R3HDM1: variants seen among roughly 807,000 people sequenced by gnomAD.
R3HDM1 encodes R3H domain containing 1, also known as R3H domain-containing protein 1.
A neutral mutation model predicts 141.1 loss-of-function variants in R3HDM1; 46 were observed. That is an observed-to-expected ratio of 0.33 (90% confidence interval 0.26 to 0.42). The LOEUF is 0.42. R3HDM1 is among the 10% of genes least tolerant of loss of function. R3HDM1 has a pLI of 1.00. For missense variants in R3HDM1, 1,184 were observed against 1,368.3 expected, an observed-to-expected ratio of 0.87 and a Z score of 2.12; for synonymous variants, 435 against 472.9, an observed-to-expected ratio of 0.92 and a Z score of 1.04.
intron 21 of R3HDM1, 149 bp from the exon 22 acceptor site, chr2:135,709,284 A>G: frequency 9.8e-7 from 1 of 1,023,030 alleles, no homozygotes; most frequent in South Asian, 1.6e-5. Flanking sequence ...CGTATTAGCC[A>G]GGATGTTCTC....
At chr2:135,714,825 G>T (rs1402639453) in intron 23 of R3HDM1, among the ~76,000 whole-genome samples, 1 of 151,812 alleles carries the variant, frequency 6.6e-6, no homozygotes, top group Non-Finnish European at 1.5e-5. Flanking sequence ...AAGATCATTT[G>T]GGAAATCTGG....
At chr2:135,550,273 A>C in intron 1 of R3HDM1, 3 of 956,696 alleles carry the variant, frequency 3.1e-6, no homozygotes, top group Non-Finnish European at 3.7e-6. Context: ...TCTAGCATTT[A>C]AGTTTTATTT....
At chr2:135,603,917 G>A (rs1444090424) in intron 2 of R3HDM1, among the ~76,000 whole-genome samples, 1 of 152,134 alleles carries the variant, frequency 6.6e-6, no homozygotes, top group Non-Finnish European at 1.5e-5. Flanking sequence ...AAGTTCTGCT[G>A]TTTTTATTAC....
At chr2:135,541,353 G>A (rs1697450935) in intron 1 of R3HDM1, among the ~76,000 whole-genome samples, 2 of 151,940 alleles carry the variant, frequency 1.3e-5, no homozygotes, top group African/African-American at 4.8e-5. Flanking sequence ...GACTACAGGC[G>A]CCCGCCACCA....
intron 18 of R3HDM1, among the ~76,000 whole-genome samples, chr2:135,659,089 T>TGTG (rs2066322520): frequency 1.3e-5 from 1 of 76,192 alleles, no homozygotes; most frequent in African/African-American, 9.5e-5. Flanking sequence ...GTGTGTGTGT[T>TGTG]TGGTTTGGAG....
At chr2:135,611,922 C>T (rs2060587147) in intron 3 of R3HDM1, among the ~76,000 whole-genome samples, 1 of 152,096 alleles carries the variant, frequency 6.6e-6, no homozygotes, top group African/African-American at 2.4e-5. Context: ...ATGTACATCA[C>T]CAGTGGGATG....
chr2:135,538,317 A>G (rs1346199741), intron 1 of R3HDM1, among the ~76,000 whole-genome samples: 1 of 152,208 alleles, frequency 6.6e-6, no homozygotes, highest in Non-Finnish European at 1.5e-5. Flanking sequence ...GGCTTGCAGC[A>G]CTGGAAATTA....
intron 21 of R3HDM1, among the ~76,000 whole-genome samples, chr2:135,687,068 G>A (rs2071473296): frequency 6.6e-6 from 1 of 152,114 alleles, no homozygotes; most frequent in Non-Finnish European, 1.5e-5. Context: ...GCATGGTGGT[G>A]CCGGTAGTCT....
intron 1 of R3HDM1, chr2:135,581,277 T>A: frequency 1.0e-6 from 1 of 985,416 alleles, no homozygotes. Flanking sequence ...CTGTCCTGTT[T>A]CCCTGTAGAT....
At position 135,680,240 on chromosome 2, in the gene R3HDM1, A is replaced by G. The variant is rs1177276978; in HGVS notation, c.2375A>G (p.Asn792Ser). Reference protein sequence around the residue: ...QTYQQPVMFPNQSNQGSMPTT... With the variant: ...QTYQQPVMFPSQSNQGSMPTT... Reference sequence around the variant, plus strand: ...TATCAACAGCCTGTTATGTTCCCTAATCAGTCTAATCAAGGATCTATGCCC... The same window carrying G: ...TATCAACAGCCTGTTATGTTCCCTAGTCAGTCTAATCAAGGATCTATGCCC... Residue 792 changes from asparagine to serine, a missense_variant, in exon 21 of 27, where the codon AAT (asparagine) becomes AGT (serine). By Grantham distance (46) the Asn-to-Ser change is conservative. Transcript: ENST00000683871. 1 of 1,613,576 alleles carries G rather than the reference A, an allele frequency of 6.2e-7. No individual in the cohort carries two copies. Among genetic ancestry groups the G allele is most frequent in the African/African-American group, 1.3e-5 (1 of 75,000 alleles).
At chr2:135,695,622 A>G (rs183061543) in intron 21 of R3HDM1, among the ~76,000 whole-genome samples, 2 of 152,304 alleles carry the variant, frequency 1.3e-5, no homozygotes, top group East Asian at 3.9e-4. Flanking sequence ...GAGGGGGAAA[A>G]GAGCCATTGC....
chr2:135,630,667 T>C (rs922251593), intron 7 of R3HDM1, among the ~76,000 whole-genome samples: 6 of 152,196 alleles, frequency 3.9e-5, no homozygotes, highest in South Asian at 2.1e-4. Flanking sequence ...AGTTCTTCTA[T>C]TGAAATTGAG....
chr2:135,666,539 C>A (rs2067522430), intron 19 of R3HDM1, among the ~76,000 whole-genome samples: 1 of 152,156 alleles, frequency 6.6e-6, no homozygotes, highest in Admixed American at 6.5e-5. Context: ...CCACTGAAAT[C>A]TGGAGCCAAA....
At chr2:135,720,328 A>T (rs1463932696) in intron 24 of R3HDM1, among the ~76,000 whole-genome samples, 2 of 152,244 alleles carry the variant, frequency 1.3e-5, no homozygotes, top group Non-Finnish European at 2.9e-5. Context: ...TGGAATGGCA[A>T]GAAGTCCACA....
chr2:135,650,296 C>T, intron 17 of R3HDM1: 8 of 985,296 alleles, frequency 8.1e-6, no homozygotes, highest in Non-Finnish European at 9.6e-6. Context: ...TCATTGAGGC[C>T]ACTGCAGGAT....
At chr2:135,588,785 A>AT (rs1708538100) in intron 1 of R3HDM1, among the ~76,000 whole-genome samples, 1 of 152,170 alleles carries the variant, frequency 6.6e-6, no homozygotes, top group South Asian at 2.1e-4. Context: ...GATACATAAG[A>AT]TAATACCCCA....
intron 24 of R3HDM1, among the ~76,000 whole-genome samples, chr2:135,721,010 T>C (rs1160154211): frequency 6.6e-6 from 1 of 152,132 alleles, no homozygotes; most frequent in East Asian, 1.9e-4. Context: ...GTCATAGTTT[T>C]CTTAGATTCT....
At chr2:135,672,330 C>G (rs1037209170) in intron 19 of R3HDM1, among the ~76,000 whole-genome samples, 1 of 152,096 alleles carries the variant, frequency 6.6e-6, no homozygotes, top group Non-Finnish European at 1.5e-5. Flanking sequence ...TCTGTTGTAC[C>G]TTCATCTTCC....
chr2:135,608,241 A>C (rs982964180), intron 3 of R3HDM1, among the ~76,000 whole-genome samples: 2 of 152,084 alleles, frequency 1.3e-5, no homozygotes, highest in Admixed American at 6.6e-5. Flanking sequence ...ACTTGAACCC[A>C]GGAGGCGGAG....
Sources: gnomAD v4.1 joint callset for allele counts (sites outside exome capture counted in the v4.1 genomes callset) on GRCh38, gnomAD v4.1.1 for gene constraint, MANE v1.5 for transcripts, NCBI Gene and HGNC (gene_info 2026-07-23, HGNC 2026-07-21) for gene names.